KIF20B: variants seen among roughly 807,000 people sequenced by gnomAD.
The protein encoded by KIF20B is kinesin-like protein KIF20B.
KIF20B carries 188 observed loss-of-function variants against 232.5 expected under a neutral mutation model. The observed-to-expected ratio is 0.81, with a 90% CI of 0.72 to 0.91. The LOEUF (loss-of-function observed/expected upper bound fraction) is 0.91, where lower values mean the gene tolerates loss of function less well. Among genes scored for constraint, KIF20B ranks in the 40% least tolerant of loss-of-function variants. The pLI, the probability that KIF20B is intolerant of heterozygous loss-of-function variation, is 0.00. For missense variants in KIF20B, 2,154 were observed against 2,055.9 expected (o/e 1.05, Z -0.92); for synonymous variants, 712 against 683.0 (o/e 1.04, Z -0.66).
intron 1 of KIF20B, among the ~76,000 whole-genome samples, chr10:89,704,828 A>T (rs1308173636): frequency 2.0e-5 from 3 of 152,222 alleles, no homozygotes; most frequent in African/African-American, 7.2e-5. Flanking sequence ...AAGTGCTGGG[A>T]TTACAGGCGT....
chr10:89,754,755 C>T (rs1564672919), intron 26 of KIF20B, 82 bp downstream of exon 26: 11 of 1,139,890 alleles, frequency 9.7e-6, no homozygotes, highest in Non-Finnish European at 1.2e-5. Flanking sequence ...ACAGTTTCTA[C>T]ATGGTTTTCT....
chr10:89,736,308 T>G (rs1841650652), intron 19 of KIF20B, among the ~76,000 whole-genome samples: 1 of 152,152 alleles, frequency 6.6e-6, no homozygotes, highest in African/African-American at 2.4e-5. Context: ...AGATATAAAT[T>G]TATATATCTA....
At chr10:89,720,410 G>C (rs1417020793) in intron 13 of KIF20B, among the ~76,000 whole-genome samples, 1 of 152,134 alleles carries the variant, frequency 6.6e-6, no homozygotes, top group East Asian at 1.9e-4. Flanking sequence ...CATTCTTAGA[G>C]ATGCTAAGTT....
Position 89,719,426 on chromosome 10 carries a change from T to TA in KIF20B, c.1442_1443insA (p.Asp483ArgfsTer25). On this transcript the variant is annotated frameshift_variant, in exon 13 of 33. Transcript: ENST00000371728. LOFTEE classifies it high-confidence loss of function. ...CATTGAATATTTTAACAGGTTTGTG[T>TA]CCCAGACACTTTAAATTCCTCTCAA... The TA allele has an allele frequency of 6.3e-7, 1 of 1,576,536 alleles. No homozygotes were observed. The highest frequency in any genetic ancestry group is 1.4e-5 in the African/African-American group (1 of 72,976).
rs757985261 is a variant in KIF20B, at chr10:89,727,887, A to C, written c.2262A>C (p.Thr754=). 41 of 1,560,256 alleles carry C rather than the reference A, an allele frequency of 2.6e-5. 3 individuals carry two copies. The South Asian group carries it at 4.6e-4, about 17-fold the overall frequency. ...ATTCATTGATTCAAGAGCTTGAGAC[A>C]TCTAATAAGGTAATGCTTTAAGTTT... ...ESDSLIQELE[T]SNKKIITQNQ... The change falls in exon 17 of 33, where the codon ACA becomes ACC. Residue 754 remains threonine (T), a synonymous_variant. Transcript: ENST00000371728.
At chr10:89,760,033 G>T (rs985944639) in intron 27 of KIF20B, among the ~76,000 whole-genome samples, 2 of 152,114 alleles carry the variant, frequency 1.3e-5, no homozygotes, top group Non-Finnish European at 2.9e-5. Context: ...TTTTCCTTAT[G>T]GTCTTTTGTA....
Position 89,762,858 on chromosome 10 carries a change from A to C in KIF20B, c.4989+23A>C, listed in dbSNP as rs781441076. 1.1e-5 allele frequency: 17 copies of C among 1,480,112 alleles called. No individual in the cohort carries two copies. In the African/African-American group the frequency reaches 2.2e-4, roughly 19 times the overall value. 91.7% of individuals were successfully genotyped at this position (1,480,112 alleles called of 1,614,324 possible). ...GAGGTAAATACTTAAGTGATGAGTAAATTTAATGAACAAATCTTATTATAA... is the reference window on the plus strand; with the variant it reads ...GAGGTAAATACTTAAGTGATGAGTACATTTAATGAACAAATCTTATTATAA... On this transcript the variant is annotated intron_variant, in intron 29 of 32. Transcript: ENST00000371728.
intron 28 of KIF20B, 44 bp from the exon 29 acceptor site, chr10:89,762,594 G>C (rs373779814): frequency 2.1e-6 from 3 of 1,428,832 alleles, no homozygotes; most frequent in Admixed American, 1.8e-5. Flanking sequence ...GTTTATAAAT[G>C]TATACTCTAC....
chr10:89,763,550 T>C (rs1489377881), intron 29 of KIF20B, among the ~76,000 whole-genome samples: 1 of 152,172 alleles, frequency 6.6e-6, no homozygotes, highest in Non-Finnish European at 1.5e-5. Context: ...CTTGTCTGTA[T>C]GGTCCTAGCA....
chr10:89,753,706 C>T (rs191077952), intron 25 of KIF20B, among the ~76,000 whole-genome samples: 4 of 152,146 alleles, frequency 2.6e-5, no homozygotes, highest in African/African-American at 9.6e-5. Context: ...CTGCAGCCTC[C>T]ACCCCCTGGG....
At position 89,733,003 on chromosome 10, in the gene KIF20B, G is replaced by C; in HGVS notation, c.2492G>C (p.Arg831Thr). ...AGCAAATCTAAAATCTGTTCAGAAA[G>C]AAAAAGAGTAAATGAAAATGAACTT... ...KDSKSKICSERKRVNENELQQ... is the reference protein window; with the variant it reads ...KDSKSKICSETKRVNENELQQ... The change falls in exon 19 of 33, where the codon AGA (arginine) becomes ACA (threonine). Residue 831 changes from arginine (R) to threonine (T), a missense_variant. Physicochemically the swap from Arg to Thr is moderately conservative, Grantham distance 71 (BLOSUM62 -1). Transcript: ENST00000371728. 1 of 1,613,678 alleles carries C rather than the reference G, an allele frequency of 6.2e-7. No individual in the cohort carries two copies. The highest frequency in any genetic ancestry group is 8.5e-7 in the Non-Finnish European group (1 of 1,179,752).
In KIF20B at chr10:89,761,517, C is replaced by G. The variant is rs527503057; in HGVS notation, c.4791+881C>G. 2.6e-4 allele frequency among the ~76,000 whole-genome samples: 39 copies of G among 151,810 alleles called. 2 individuals are homozygous for G. The South Asian group carries it at 7.9e-3, about 31-fold the overall frequency. ...AGAAATGGGGTTTCACTATGTTTCTCTGGCAGCTGAACTTGAACTCCCAGG... is the reference window on the plus strand; with the variant it reads ...AGAAATGGGGTTTCACTATGTTTCTGTGGCAGCTGAACTTGAACTCCCAGG... On this transcript the variant is annotated intron_variant, in intron 28 of 32. Coordinates refer to ENST00000371728, the MANE Select transcript of KIF20B (RefSeq NM_001284259.2).
rs1341433220 is a variant in KIF20B at position 89,774,930 on chromosome 10, A to G, written c.*882A>G. ...TTAGATCCCATAAATAAATGAGAAC[A>G]TGCAGTCTTTGTCTTTCTGTGCCTG... On this transcript the variant is annotated 3_prime_UTR_variant, in exon 33 of 33. Coordinates refer to ENST00000371728, the MANE Select transcript of KIF20B (RefSeq NM_001284259.2). The G allele has an allele frequency of 6.6e-6, 1 of 152,012 alleles. No homozygotes were observed. The highest frequency in any genetic ancestry group is 6.6e-5 in the Admixed American group (1 of 15,218). 9.4% of individuals were successfully genotyped at this position (152,012 alleles called of 1,614,324 possible). A position where few individuals can be genotyped will look rare whatever the true frequency, so the allele number is the denominator to read the frequency against.
Position 89,709,327 on chromosome 10 carries a change from T to C in KIF20B, c.235-18T>C. On this transcript the variant is annotated intron_variant, in intron 3 of 32. Transcript: ENST00000371728. The stretch of plus-strand genomic sequence containing the variant: ...TGGCAAAATACTAGTTTTTATTTAT[T>C]GGGGGTATGTTTTCTAGGGCTGTGT... 1 of 1,597,586 alleles carries C rather than the reference T, an allele frequency of 6.3e-7. No homozygotes were observed. The highest frequency in any genetic ancestry group is 8.6e-7 in the Non-Finnish European group (1 of 1,168,696).
rs141959807 is a variant in KIF20B at position 89,721,542 on chromosome 10, C to A, written c.1722+1836C>A. On this transcript the variant is annotated intron_variant, in intron 13 of 32. Transcript: ENST00000371728. ...AAAATTAGTTAGGCATGATGATGCA[C>A]AGGTGTAGTCCCAGCTACTTGGGAG... is the stretch of plus-strand genomic sequence containing the variant. Among the ~76,000 whole-genome samples, 7 of 152,166 alleles carry A rather than the reference C, an allele frequency of 4.6e-5. No individual in the cohort carries two copies. The East Asian group carries it at 1.4e-3, about 30-fold the overall frequency.
intron 21 of KIF20B, among the ~76,000 whole-genome samples, chr10:89,741,332 C>T (rs1841789508): frequency 6.6e-6 from 1 of 152,154 alleles, no homozygotes; most frequent in Non-Finnish European, 1.5e-5. Context: ...GCTTCACTCC[C>T]TTGTCTGCCG....
intron 29 of KIF20B, among the ~76,000 whole-genome samples, chr10:89,764,184 A>T (rs961000711): frequency 5.3e-5 from 8 of 151,596 alleles, no homozygotes; most frequent in African/African-American, 1.9e-4. Flanking sequence ...ACTGAGAATG[A>T]TGATTTCCAA....
At chr10:89,723,216 T>G (rs1320227432) in intron 13 of KIF20B, among the ~76,000 whole-genome samples, 3 of 152,200 alleles carry the variant, frequency 2.0e-5, no homozygotes, top group African/African-American at 7.2e-5. Context: ...GATCTGTAGC[T>G]TAGAGTTTAT....
At chr10:89,726,832 C>T (rs377260883) in intron 16 of KIF20B, among the ~76,000 whole-genome samples, 42 of 146,710 alleles carry the variant, frequency 2.9e-4, no homozygotes, top group African/African-American at 1.0e-3. Context: ...TTTATGACAG[C>T]GTCTCGCTCT....
Sources: gnomAD v4.1 joint callset for allele counts (sites outside exome capture counted in the v4.1 genomes callset) on GRCh38, gnomAD v4.1.1 for gene constraint, MANE v1.5 for transcripts, NCBI Gene and HGNC (gene_info 2026-07-23, HGNC 2026-07-21) for gene names.